UBE2E2: variants seen among roughly 807,000 people sequenced by gnomAD.
UBE2E2 encodes the protein ubiquitin-conjugating enzyme E2 E2.
UBE2E2 carries 6 observed loss-of-function variants against 24.7 expected under a neutral mutation model. The ratio of observed to expected loss-of-function variants is 0.24; its 90% CI spans 0.13 to 0.48. UBE2E2 has a LOEUF of 0.48. Ranked by LOEUF, UBE2E2 falls within the 20% of genes least tolerant of loss-of-function variation. UBE2E2 has a pLI of 0.99. For missense variants in UBE2E2, 169 were observed against 245.0 expected (o/e 0.69, Z 2.07); for synonymous variants, 104 against 83.6 (o/e 1.24, Z -1.33).
intron 3 of UBE2E2, chr3:23,449,744 A>G (rs1317286477): frequency 1.2e-5 from 6 of 507,212 alleles, no homozygotes; most frequent in Non-Finnish European, 2.5e-6. Flanking sequence ...AACTTATCTC[A>G]TATAATTCTG....
intron 5 of UBE2E2, among the ~76,000 whole-genome samples, chr3:23,561,385 T>C (rs1695925745): frequency 6.6e-6 from 1 of 152,172 alleles, no homozygotes; most frequent in African/African-American, 2.4e-5. Context: ...TAGTTGTAGA[T>C]GTGTGGTATT....
At chr3:23,300,798 TTC>T (rs1699055907) in intron 3 of UBE2E2, among the ~76,000 whole-genome samples, 2 of 152,060 alleles carry the variant, frequency 1.3e-5, no homozygotes. Context: ...CTTTGTGGTG[TTC>T]TCTATATTTC....
chr3:23,439,136 A>G (rs901994609), intron 3 of UBE2E2, among the ~76,000 whole-genome samples: 2 of 152,220 alleles, frequency 1.3e-5, no homozygotes, highest in Non-Finnish European at 2.9e-5. Context: ...AAATGTTTCA[A>G]TTTCTTGACA....
chr3:23,551,608 G>A (rs1001233132), intron 5 of UBE2E2, among the ~76,000 whole-genome samples: 4 of 152,166 alleles, frequency 2.6e-5, no homozygotes, highest in Non-Finnish European at 4.4e-5. Context: ...TTGCCTCATT[G>A]GATCTTTGAG....
chr3:23,315,603 T>A (rs1425386774), intron 3 of UBE2E2, among the ~76,000 whole-genome samples: 1 of 152,194 alleles, frequency 6.6e-6, no homozygotes, highest in East Asian at 1.9e-4. Flanking sequence ...CCGAGATTGG[T>A]CTCTGGTGCC....
intron 5 of UBE2E2, among the ~76,000 whole-genome samples, chr3:23,542,322 A>G (rs576765863): frequency 6.6e-6 from 1 of 152,318 alleles, no homozygotes; most frequent in South Asian, 2.1e-4. Flanking sequence ...TGGTTAGCTT[A>G]GAGTTGGGGT....
intron 3 of UBE2E2, among the ~76,000 whole-genome samples, chr3:23,380,867 G>A (rs1007059837): frequency 6.6e-6 from 1 of 152,092 alleles, no homozygotes; most frequent in Admixed American, 6.5e-5. Context: ...AATTTAATTA[G>A]GTAAGTGAAT....
chr3:23,386,703 A>T (rs555564529), intron 3 of UBE2E2, among the ~76,000 whole-genome samples: 1 of 152,352 alleles, frequency 6.6e-6, no homozygotes, highest in East Asian at 1.9e-4. Context: ...TGTTTGACAG[A>T]TACTGCTTTT....
intron 3 of UBE2E2, among the ~76,000 whole-genome samples, chr3:23,387,873 A>G (rs1250812140): frequency 1.3e-5 from 2 of 152,286 alleles, no homozygotes; most frequent in Middle Eastern, 6.8e-3. Context: ...CTTTTTCTCT[A>G]ATGCTGCTAG....
At chr3:23,383,443 T>G (rs1196944697) in intron 3 of UBE2E2, among the ~76,000 whole-genome samples, 1 of 151,086 alleles carries the variant, frequency 6.6e-6, no homozygotes, top group Non-Finnish European at 1.5e-5. Context: ...AGAAGCCGAT[T>G]GACTTTTAAG....
chr3:23,456,359 T>A (rs1038774194), intron 3 of UBE2E2, among the ~76,000 whole-genome samples: 7 of 152,240 alleles, frequency 4.6e-5, no homozygotes, highest in Non-Finnish European at 8.8e-5. Context: ...CTTAATGGCG[T>A]CTAGAATGGT....
At chr3:23,574,873 T>G (rs1467149442) in intron 5 of UBE2E2, among the ~76,000 whole-genome samples, 1 of 152,214 alleles carries the variant, frequency 6.6e-6, no homozygotes, top group East Asian at 1.9e-4. Flanking sequence ...TGTTGCTTGT[T>G]ACCAAGTCAT....
At position 23,518,751 on chromosome 3, in the gene UBE2E2, G is replaced by A. The variant is rs564622385; in HGVS notation, c.361-13803G>A. On this transcript the variant is annotated intron_variant, in intron 4 of 5. Coordinates refer to ENST00000396703, the MANE Select transcript of UBE2E2 (RefSeq NM_152653.4). Reference sequence around the variant, plus strand: ...CTTGTCCCTTTTTCCCTCTGTCCCTGCCTCAGATTGTGGATTGTGTTGCCC... The same window carrying A: ...CTTGTCCCTTTTTCCCTCTGTCCCTACCTCAGATTGTGGATTGTGTTGCCC... Among the ~76,000 whole-genome samples, 4 of 152,208 alleles carry A rather than the reference G, an allele frequency of 2.6e-5. No individual in the cohort carries two copies. In the East Asian group the frequency reaches 7.7e-4, roughly 29 times the overall value.
At chr3:23,558,570 C>T (rs549488300) in intron 5 of UBE2E2, among the ~76,000 whole-genome samples, 2 of 152,232 alleles carry the variant, frequency 1.3e-5, no homozygotes, top group South Asian at 4.1e-4. Flanking sequence ...GAAATAAAGA[C>T]TCTCTTCATG....
chr3:23,277,463 A>C (rs759211508), intron 3 of UBE2E2, among the ~76,000 whole-genome samples: 1 of 152,122 alleles, frequency 6.6e-6, no homozygotes, highest in Admixed American at 6.5e-5. Flanking sequence ...TGTAAACCTC[A>C]TAGACTATCT....
intron 3 of UBE2E2, chr3:23,271,229 G>T (rs965530678): frequency 2.7e-6 from 1 of 366,936 alleles, no homozygotes. Flanking sequence ...CTCGCGGTGA[G>T]TGTTACAGTT....
intron 5 of UBE2E2, among the ~76,000 whole-genome samples, chr3:23,559,990 A>G (rs1351701857): frequency 6.6e-6 from 1 of 152,132 alleles, no homozygotes; most frequent in Non-Finnish European, 1.5e-5. Flanking sequence ...ATCTGTCTTA[A>G]GATGTACCTC....
intron 3 of UBE2E2, among the ~76,000 whole-genome samples, chr3:23,248,714 T>A (rs1461991687): frequency 9.4e-6 from 1 of 106,198 alleles, no homozygotes; most frequent in Non-Finnish European, 2.3e-5. Context: ...TGTCCCTGAG[T>A]GAGAGATGGA....
chr3:23,466,276 T>C (rs1253590754), intron 3 of UBE2E2, among the ~76,000 whole-genome samples: 1 of 152,218 alleles, frequency 6.6e-6, no homozygotes, highest in African/African-American at 2.4e-5. Flanking sequence ...CTTCAGTTAG[T>C]ACCTGAATAG....
Sources: gnomAD v4.1 joint callset for allele counts (sites outside exome capture counted in the v4.1 genomes callset) on GRCh38, gnomAD v4.1.1 for gene constraint, MANE v1.5 for transcripts, NCBI Gene and HGNC (gene_info 2026-07-23, HGNC 2026-07-21) for gene names.